GPATCH2: variants seen among roughly 807,000 people sequenced by gnomAD.
The protein encoded by GPATCH2 is G patch domain-containing protein 2.
Under a neutral mutation model 58.0 loss-of-function variants are expected in GPATCH2, and 51 were observed. The observed-to-expected ratio is 0.88, with a 90% CI of 0.70 to 1.11. The LOEUF is 1.11. Ranked by LOEUF, GPATCH2 falls within the 50% of genes most tolerant of loss-of-function variation. GPATCH2 has a pLI of 0.00. For missense variants in GPATCH2, 625 were observed against 652.2 expected (o/e 0.96, Z 0.45); for synonymous variants, 222 against 218.5 (o/e 1.02, Z -0.14).
chr1:217,471,573 A>G (rs1660722974), intron 8 of GPATCH2, among the ~76,000 whole-genome samples: 1 of 152,190 alleles, frequency 6.6e-6, no homozygotes, highest in Non-Finnish European at 1.5e-5. Context: ...TCTGCAACAA[A>G]ATACAGTGAT....
intron 5 of GPATCH2, among the ~76,000 whole-genome samples, chr1:217,577,057 A>G (rs745412823): frequency 7.9e-5 from 12 of 152,332 alleles, no homozygotes; most frequent in Middle Eastern, 3.4e-3. Flanking sequence ...TAATTGGATA[A>G]TGCACAAATA....
Position 217,581,748 on chromosome 1 carries a change from C to T in GPATCH2, c.1098+28573G>A, listed in dbSNP as rs143374831. On this transcript the variant is annotated intron_variant, in intron 5 of 9. Transcript: ENST00000366935. ...CGGGCAGATCACGAGGTCAGGAGTT[C>T]GAGACCAGCCTGGCCAACATGGTGA... is the stretch of plus-strand genomic sequence containing the variant. 2.1e-4 allele frequency among the ~76,000 whole-genome samples: 32 copies of T among 152,122 alleles called. No individual in the cohort carries two copies. The East Asian group carries it at 3.9e-3, about 18-fold the overall frequency.
intron 5 of GPATCH2, among the ~76,000 whole-genome samples, chr1:217,590,345 T>C (rs1391885730): frequency 6.6e-6 from 1 of 152,070 alleles, no homozygotes; most frequent in Non-Finnish European, 1.5e-5. Flanking sequence ...TTTTTAAACC[T>C]CCTGCTTGCT....
rs1658434392 is a variant in GPATCH2, at chr1:217,429,340, T to G, written c.*1805A>C. 1 of 152,110 alleles carries G rather than the reference T, an allele frequency of 6.6e-6. No individual in the cohort carries two copies. Among genetic ancestry groups the G allele is most frequent in the African/African-American group, 2.4e-5 (1 of 41,398 alleles). 9.4% of individuals were successfully genotyped at this position (152,110 alleles called of 1,614,324 possible). A position where few individuals can be genotyped will look rare whatever the true frequency, so the allele number is the denominator to read the frequency against. The stretch of plus-strand genomic sequence containing the variant: ...AACATCTCTTCTGGTCGTCCATAGT[T>G]CCCTAACCAACCTGTCCTCTAGGTA... On this transcript the variant is annotated 3_prime_UTR_variant, in exon 10 of 10. Coordinates refer to ENST00000366935, the MANE Select transcript of GPATCH2 (RefSeq NM_018040.5).
chr1:217,484,747 C>A (rs978860352), intron 8 of GPATCH2, among the ~76,000 whole-genome samples: 2 of 149,698 alleles, frequency 1.3e-5, no homozygotes, highest in Non-Finnish European at 3.0e-5. Flanking sequence ...TATATAAATA[C>A]ATAGGAGGTA....
In GPATCH2 at chr1:217,430,402, T is replaced by A. The variant is rs1394194396; in HGVS notation, c.*743A>T. Reference sequence around the variant, plus strand: ...ATTTACAGTTCAATCACGGTGAATTTAAAAAATACATTTTTCTTTCAATAA... The same window carrying A: ...ATTTACAGTTCAATCACGGTGAATTAAAAAAATACATTTTTCTTTCAATAA... On this transcript the variant is annotated 3_prime_UTR_variant, in exon 10 of 10. Transcript: ENST00000366935. 16 of 152,216 alleles carry A rather than the reference T, an allele frequency of 1.1e-4. 1 individual carries two copies. The highest frequency in any genetic ancestry group is 1.0e-3 in the Admixed American group (16 of 15,282). 9.4% of individuals were successfully genotyped at this position (152,216 alleles called of 1,614,324 possible). A position where few individuals can be genotyped will look rare whatever the true frequency, so the allele number is the denominator to read the frequency against.
At chr1:217,536,262 A>C (rs1051379095) in intron 5 of GPATCH2, among the ~76,000 whole-genome samples, 1 of 152,166 alleles carries the variant, frequency 6.6e-6, no homozygotes, top group Admixed American at 6.5e-5. Context: ...TGCCTCAATA[A>C]TCTCAGCCAT....
At chr1:217,550,233 T>C (rs1261422611) in intron 5 of GPATCH2, among the ~76,000 whole-genome samples, 1 of 152,110 alleles carries the variant, frequency 6.6e-6, no homozygotes, top group East Asian at 1.9e-4. Flanking sequence ...TAATATCTAA[T>C]TTTTATAGGG....
chr1:217,586,370 T>A (rs1400917591), intron 5 of GPATCH2, among the ~76,000 whole-genome samples: 1 of 152,150 alleles, frequency 6.6e-6, no homozygotes, highest in Non-Finnish European at 1.5e-5. Flanking sequence ...TATACCTTTT[T>A]TTTTTAACTT....
chr1:217,500,745 T>A (rs546495300), intron 6 of GPATCH2, among the ~76,000 whole-genome samples: 29 of 152,100 alleles, frequency 1.9e-4, no homozygotes, highest in African/African-American at 7.0e-4. Flanking sequence ...AGAAAATTAG[T>A]TTTTGTTTTT....
chr1:217,619,352 G>T lies in GPATCH2; in HGVS notation c.773+431C>A, dbSNP rs567455748. On this transcript the variant is annotated intron_variant, in intron 2 of 9. Coordinates refer to ENST00000366935, the MANE Select transcript of GPATCH2 (RefSeq NM_018040.5). ...TCCAGATTTTTTATGTCAAGCCACAGACATGTCGAAGTGGTATAAACTTTT... is the reference window on the plus strand; with the variant it reads ...TCCAGATTTTTTATGTCAAGCCACATACATGTCGAAGTGGTATAAACTTTT... 3.2e-4 allele frequency among the ~76,000 whole-genome samples: 49 copies of T among 152,248 alleles called. 1 individual carries two copies. The highest frequency in any genetic ancestry group is 1.0e-3 in the African/African-American group (42 of 41,558).
At chr1:217,442,081 T>G (rs1659169980) in intron 9 of GPATCH2, among the ~76,000 whole-genome samples, 1 of 152,148 alleles carries the variant, frequency 6.6e-6, no homozygotes, top group Non-Finnish European at 1.5e-5. Context: ...AGCAAAGACT[T>G]GGAACCAACC....
chr1:217,513,395 A>G (rs1662951457), intron 6 of GPATCH2, among the ~76,000 whole-genome samples: 1 of 152,212 alleles, frequency 6.6e-6, no homozygotes, highest in Non-Finnish European at 1.5e-5. Flanking sequence ...TCATTTTGCT[A>G]TATCTGAACA....
chr1:217,490,869 T>C (rs1661693951), intron 8 of GPATCH2, among the ~76,000 whole-genome samples: 1 of 152,226 alleles, frequency 6.6e-6, no homozygotes, highest in Admixed American at 6.5e-5. Context: ...CTAAATTAGG[T>C]ATGCTGGGTA....
chr1:217,494,559 C>T (rs1661912685), intron 7 of GPATCH2, among the ~76,000 whole-genome samples: 2 of 152,028 alleles, frequency 1.3e-5, no homozygotes, highest in South Asian at 4.1e-4. Flanking sequence ...GCCAACATAG[C>T]GAAACCTTGT....
intron 5 of GPATCH2, among the ~76,000 whole-genome samples, chr1:217,592,343 G>A (rs772266670): frequency 5.3e-5 from 8 of 151,868 alleles, no homozygotes; most frequent in South Asian, 2.1e-4. Context: ...CTCAAAACAC[G>A]TTGATTTCAA....
chr1:217,566,471 AC>A (rs1666241736), intron 5 of GPATCH2, among the ~76,000 whole-genome samples: 1 of 152,214 alleles, frequency 6.6e-6, no homozygotes, highest in Non-Finnish European at 1.5e-5. Flanking sequence ...AATTCATTAC[AC>A]ACAAATATGA....
chr1:217,524,059 G>T (rs1330213114), intron 5 of GPATCH2, among the ~76,000 whole-genome samples: 2 of 149,500 alleles, frequency 1.3e-5, no homozygotes, highest in Middle Eastern at 3.5e-3. Flanking sequence ...CGGATGGGGC[G>T]GCTGGCCAGG....
At chr1:217,458,673 A>G (rs1660067815) in intron 8 of GPATCH2, among the ~76,000 whole-genome samples, 1 of 152,062 alleles carries the variant, frequency 6.6e-6, no homozygotes, top group South Asian at 2.1e-4. Context: ...CTACTTTAAG[A>G]AATTTTCTGT....
Sources: gnomAD v4.1 joint callset for allele counts (sites outside exome capture counted in the v4.1 genomes callset) on GRCh38, gnomAD v4.1.1 for gene constraint, MANE v1.5 for transcripts, NCBI Gene and HGNC (gene_info 2026-07-23, HGNC 2026-07-21) for gene names.